CAMK2B: variants seen among roughly 807,000 people sequenced by gnomAD.
The protein encoded by CAMK2B is calcium/calmodulin dependent protein kinase II beta, also known as calcium/calmodulin-dependent protein kinase type II subunit beta.
Under a neutral mutation model 93.7 loss-of-function variants are expected in CAMK2B, and 27 were observed. The observed-to-expected ratio is 0.29, with a 90% CI of 0.21 to 0.40. CAMK2B has a LOEUF of 0.40. Ranked by LOEUF, CAMK2B falls within the 10% of genes least tolerant of loss-of-function variation. The pLI, the probability that CAMK2B is intolerant of heterozygous loss-of-function variation, is 1.00. For missense variants in CAMK2B, 568 were observed against 895.8 expected (o/e 0.63, Z 4.67); for synonymous variants, 374 against 358.8 (o/e 1.04, Z -0.48).
At chr7:44,247,283 T>TG in intron 5 of CAMK2B, 91 bp from the exon 6 acceptor site, 1 of 1,069,986 alleles carries the variant, frequency 9.3e-7, no homozygotes, top group Admixed American at 1.9e-5. Flanking sequence ...CTGTGTGGCC[T>TG]GGGGGGACCA....
chr7:44,253,576 C>T (rs1024130556), intron 5 of CAMK2B, among the ~76,000 whole-genome samples: 1 of 151,896 alleles, frequency 6.6e-6, no homozygotes, highest in African/African-American at 2.4e-5. Context: ...CACCACCTAG[C>T]GAGGTCCTCC....
chr7:44,247,319 A>C (rs1340005961), intron 5 of CAMK2B, 127 bp from the exon 6 acceptor site: 1 of 778,810 alleles, frequency 1.3e-6, no homozygotes, highest in Non-Finnish European at 2.2e-6. Context: ...TCAAGGTGAG[A>C]GGAGATGCTG....
intron 13 of CAMK2B, 68 bp downstream of exon 13, chr7:44,239,521 G>A: frequency 1.4e-6 from 2 of 1,399,664 alleles, no homozygotes; most frequent in Non-Finnish European, 2.0e-6. Flanking sequence ...GCTGCGTGCA[G>A]CAGGGGGCTG....
intron 1 of CAMK2B, among the ~76,000 whole-genome samples, chr7:44,288,917 C>A (rs751123392): frequency 1.3e-5 from 2 of 152,126 alleles, no homozygotes; most frequent in Non-Finnish European, 2.9e-5. Context: ...CTGACTGCAG[C>A]CACCCAGGGC....
At chr7:44,254,409 C>G in intron 5 of CAMK2B, 133 bp downstream of exon 5, 2 of 674,054 alleles carry the variant, frequency 3.0e-6, no homozygotes, top group Non-Finnish European at 5.4e-6. Context: ...TCATGCCCAT[C>G]GCTCTGGGGT....
At chr7:44,277,168 C>G (rs528642948) in intron 2 of CAMK2B, among the ~76,000 whole-genome samples, 2 of 148,580 alleles carry the variant, frequency 1.3e-5, no homozygotes, top group African/African-American at 2.4e-5. Flanking sequence ...GCTGGGCAAG[C>G]GGGCGGGGGG....
rs573646332 is a variant in CAMK2B, at chr7:44,261,646, TA to T, written c.220+1358del. Among the ~76,000 whole-genome samples the T allele has an allele frequency of 4.9e-4, 74 of 151,516 alleles. 1 individual carries two copies. Among genetic ancestry groups the T allele is most frequent in the African/African-American group, 1.6e-3 (67 of 41,340 alleles). ...CTGGGCCGTATGCATGTGGACACTTTAAAAAAAAACATTTTTAACTTTTTAA... is the reference window on the plus strand; with the variant it reads ...CTGGGCCGTATGCATGTGGACACTTTAAAAAAAACATTTTTAACTTTTTAA... On this transcript the variant is annotated intron_variant, in intron 3 of 23. Transcript: ENST00000395749.
intron 12 of CAMK2B, 149 bp downstream of exon 12, chr7:44,240,558 T>A (rs1319279617): frequency 1.2e-6 from 1 of 848,292 alleles, no homozygotes; most frequent in Non-Finnish European, 1.9e-6. Context: ...CGGGGCCAGG[T>A]GGGCAGTGGG....
intron 1 of CAMK2B, among the ~76,000 whole-genome samples, chr7:44,289,113 C>T (rs1034208008): frequency 2.0e-5 from 3 of 152,188 alleles, no homozygotes; most frequent in Non-Finnish European, 4.4e-5. Context: ...AGCTGCCCCC[C>T]CAACCCTCGT....
intron 1 of CAMK2B, among the ~76,000 whole-genome samples, chr7:44,309,903 G>T (rs1793048223): frequency 1.3e-5 from 2 of 152,364 alleles, no homozygotes; most frequent in South Asian, 4.1e-4. Context: ...CTCCTGGAGC[G>T]GCGGCCCGCG....
intron 18 of CAMK2B, 86 bp downstream of exon 18, chr7:44,229,302 C>T (rs543402214): frequency 9.0e-5 from 78 of 868,404 alleles, no homozygotes; most frequent in Non-Finnish European, 1.2e-4. Context: ...CCACGCTCAG[C>T]CTGCCCTCGG....
At position 44,239,601 on chromosome 7, in the gene CAMK2B, G is replaced by A; in HGVS notation, c.1009C>T (p.Leu337=). The A allele has an allele frequency of 3.2e-6, 5 of 1,549,908 alleles. No homozygotes were observed. The highest frequency in any genetic ancestry group is 4.4e-6 in the Non-Finnish European group (5 of 1,146,744). ...STAASGTTMG[L]VEQAKSLLNK... is the part of the protein sequence containing the mutation. ...GAGACACATCTACCTTGTTCCACCAGCCCCATGGTGGTGCCGGAGGCCGCG... is the reference window on the plus strand; with the variant it reads ...GAGACACATCTACCTTGTTCCACCAACCCCATGGTGGTGCCGGAGGCCGCG... Residue 337 remains leucine (L), a synonymous_variant, in exon 13 of 24, where the codon CTG becomes TTG. Transcript: ENST00000395749.
At chr7:44,290,645 T>A (rs1786531989) in intron 1 of CAMK2B, among the ~76,000 whole-genome samples, 1 of 152,224 alleles carries the variant, frequency 6.6e-6, no homozygotes. Context: ...TTTATTTGTG[T>A]GTTGGCTTAA....
At chr7:44,314,831 A>G (rs569454335) in intron 1 of CAMK2B, among the ~76,000 whole-genome samples, 43 of 152,378 alleles carry the variant, frequency 2.8e-4, no homozygotes, top group African/African-American at 9.1e-4. Context: ...TTGCATTTCC[A>G]TAATGATGCC....
At chr7:44,282,147 G>A (rs1030391863) in intron 2 of CAMK2B, among the ~76,000 whole-genome samples, 2 of 152,238 alleles carry the variant, frequency 1.3e-5, no homozygotes, top group Non-Finnish European at 2.9e-5. Flanking sequence ...GGCAGGGAGT[G>A]TCCAGGCCTC....
chr7:44,290,224 C>G (rs139372872), intron 1 of CAMK2B, among the ~76,000 whole-genome samples: 1 of 152,216 alleles, frequency 6.6e-6, no homozygotes, highest in Non-Finnish European at 1.5e-5. Context: ...AGCTGAGGAG[C>G]CCTGAGTAAA....
intron 1 of CAMK2B, among the ~76,000 whole-genome samples, chr7:44,302,142 T>C (rs1421877795): frequency 6.6e-6 from 1 of 152,198 alleles, no homozygotes; most frequent in African/African-American, 2.4e-5. Flanking sequence ...ATAAATTTGA[T>C]AGCCTAGATA....
At chr7:44,309,884 G>C (rs1793040795) in intron 1 of CAMK2B, among the ~76,000 whole-genome samples, 1 of 152,256 alleles carries the variant, frequency 6.6e-6, no homozygotes, top group African/African-American at 2.4e-5. Flanking sequence ...TTAAGAGCCG[G>C]TCACGCCCCT....
At chr7:44,274,445 C>A (rs2097011501) in intron 2 of CAMK2B, among the ~76,000 whole-genome samples, 2 of 152,220 alleles carry the variant, frequency 1.3e-5, no homozygotes, top group Non-Finnish European at 1.5e-5. Context: ...ACAACAGAGA[C>A]CAAAGCTCTG....
Sources: gnomAD v4.1 joint callset for allele counts (sites outside exome capture counted in the v4.1 genomes callset) on GRCh38, gnomAD v4.1.1 for gene constraint, MANE v1.5 for transcripts, NCBI Gene and HGNC (gene_info 2026-07-23, HGNC 2026-07-21) for gene names.